The following EFCAB11 variants were observed in gnomAD, a reference collection of about 807,000 sequenced individuals.
EFCAB11 encodes EF-hand calcium-binding domain-containing protein 11.
In EFCAB11, 14 loss-of-function variants were observed where a neutral mutation model predicts 23.0. The observed-to-expected ratio is 0.61, with a 90% confidence interval of 0.40 to 0.95. The LOEUF (loss-of-function observed/expected upper bound fraction) is 0.95, where lower values mean the gene tolerates loss of function less well. EFCAB11 is among the 40% of genes least tolerant of loss of function. The pLI is 0.00. For missense variants in EFCAB11, 198 were observed against 195.8 expected, an observed-to-expected ratio of 1.01 and a Z score of -0.07; for synonymous variants, 65 against 66.6, an observed-to-expected ratio of 0.98 and a Z score of 0.11.
At chr14:89,886,344 C>T (rs558442412) in intron 5 of EFCAB11, among the ~76,000 whole-genome samples, 3 of 151,852 alleles carry the variant, frequency 2.0e-5, no homozygotes, top group Admixed American at 6.6e-5. Flanking sequence ...TGTGAAACCC[C>T]GTCTCTACTA....
intron 5 of EFCAB11, chr14:89,833,072 C>T (rs746898425): frequency 3.3e-5 from 5 of 152,168 alleles, no homozygotes; most frequent in African/African-American, 1.2e-4. Flanking sequence ...AAAGTTCCTA[C>T]TTACGTTGCA....
At chr14:89,945,120 C>A (rs886135524) in intron 3 of EFCAB11, among the ~76,000 whole-genome samples, 4 of 151,646 alleles carry the variant, frequency 2.6e-5, no homozygotes, top group Admixed American at 2.6e-4. Flanking sequence ...TTTCCCCCCC[C>A]ACTCAGTGTG....
chr14:89,892,013 C>T (rs1292458134), intron 5 of EFCAB11: 5 of 1,523,342 alleles, frequency 3.3e-6, no homozygotes, highest in East Asian at 4.9e-5. Context: ...GGGCCACGAG[C>T]GCTTCAGCTG....
chr14:89,932,480 C>G (rs1165942681), intron 4 of EFCAB11, 46 bp downstream of exon 4: 1 of 1,505,328 alleles, frequency 6.6e-7, no homozygotes, highest in East Asian at 2.3e-5. Context: ...TTTGCAATCC[C>G]TTAAAAGTAA....
upstream of EFCAB11, chr14:89,954,760 A>G (rs1014888588): frequency 1.3e-5 from 20 of 1,512,988 alleles, no homozygotes; most frequent in African/African-American, 2.6e-4. Flanking sequence ...CGGCTCAGGA[A>G]GCCGAACTTC....
At chr14:89,950,575 T>G (rs1891133526) in intron 2 of EFCAB11, among the ~76,000 whole-genome samples, 1 of 152,164 alleles carries the variant, frequency 6.6e-6, no homozygotes, top group Admixed American at 6.5e-5. Flanking sequence ...CAAAAAATTA[T>G]GAAGAAAATT....
At chr14:89,869,905 T>C (rs111502356) in intron 5 of EFCAB11, among the ~76,000 whole-genome samples, 4,739 of 152,308 alleles carry the variant, frequency 0.031, 113 homozygotes, top group African/African-American at 0.067. Context: ...TGTTTTGGGC[T>C]AAGCTGTCAG....
chr14:89,939,776 T>A (rs754034456), intron 3 of EFCAB11, among the ~76,000 whole-genome samples: 3 of 152,228 alleles, frequency 2.0e-5, no homozygotes, highest in Non-Finnish European at 4.4e-5. Context: ...TCTTGCTCTA[T>A]CGCCCAGGCT....
At chr14:89,859,988 C>A (rs1887871865) in intron 5 of EFCAB11, among the ~76,000 whole-genome samples, 1 of 152,046 alleles carries the variant, frequency 6.6e-6, no homozygotes, top group South Asian at 2.1e-4. Flanking sequence ...ACAGTCAAGC[C>A]CCAAAGGAGG....
chr14:89,859,315 CTAGAGT>C (rs1887849714), intron 5 of EFCAB11, among the ~76,000 whole-genome samples: 1 of 152,188 alleles, frequency 6.6e-6, no homozygotes, highest in African/African-American at 2.4e-5. Flanking sequence ...TTACTTTTCT[CTAGAGT>C]TAAATTCTCT....
At chr14:89,935,398 T>G (rs1470374325) in intron 3 of EFCAB11, among the ~76,000 whole-genome samples, 3 of 17,388 alleles carry the variant, frequency 1.7e-4, no homozygotes, top group Admixed American at 5.3e-4. Flanking sequence ...TGCATGTGGG[T>G]TTTTTTTTTT....
At chr14:89,872,782 GAC>G (rs141688592) in intron 5 of EFCAB11, among the ~76,000 whole-genome samples, 18 of 149,290 alleles carry the variant, frequency 1.2e-4, no homozygotes, top group East Asian at 2.0e-4. Context: ...AAGAGATTAG[GAC>G]ACACACACAC....
rs551901489 is a variant in EFCAB11 at position 89,916,682 on chromosome 14, C to T, written c.410+14859G>A. ...TGTTCATGTATTCGTCAAATACTCT[C>T]TCCTGCAAACAGAGTTAAATTTTTA... On this transcript the variant is annotated intron_variant, in intron 5 of 5. Coordinates refer to ENST00000316738, the MANE Select transcript of EFCAB11 (RefSeq NM_145231.4). Among the ~76,000 whole-genome samples, 31 of 152,320 alleles carry T rather than the reference C, an allele frequency of 2.0e-4. No individual in the cohort carries two copies. The East Asian group carries it at 5.4e-3, about 27-fold the overall frequency.
intron 5 of EFCAB11, among the ~76,000 whole-genome samples, chr14:89,888,727 A>G (rs139582340): frequency 1.2e-3 from 176 of 152,298 alleles, no homozygotes; most frequent in African/African-American, 4.0e-3. Context: ...TGTGAACCAG[A>G]AAGTGGGCCC....
chr14:89,848,000 ATTG>A (rs1887488164), intron 5 of EFCAB11, among the ~76,000 whole-genome samples: 2 of 152,198 alleles, frequency 1.3e-5, no homozygotes, highest in African/African-American at 2.4e-5. Flanking sequence ...AATATTAGCT[ATTG>A]TTGTTATTAC....
chr14:89,926,426 G>A (rs60345558), intron 5 of EFCAB11, among the ~76,000 whole-genome samples: 28,710 of 152,088 alleles, frequency 0.19, 3,157 homozygotes, highest in South Asian at 0.32. Context: ...CTGAAAGTAG[G>A]TAGGGGAGCT....
intron 5 of EFCAB11, among the ~76,000 whole-genome samples, chr14:89,894,243 C>A (rs1456670691): frequency 6.6e-6 from 1 of 152,106 alleles, no homozygotes; most frequent in East Asian, 1.9e-4. Flanking sequence ...AGCCACCGCA[C>A]CCAGCCTTGA....
intron 5 of EFCAB11, among the ~76,000 whole-genome samples, chr14:89,871,778 C>A (rs183607728): frequency 4.7e-4 from 71 of 152,310 alleles, no homozygotes; most frequent in African/African-American, 1.6e-3. Flanking sequence ...CCTTTTCCCC[C>A]TGACTCCATC....
chr14:89,851,800 C>G (rs2140140076), intron 5 of EFCAB11, among the ~76,000 whole-genome samples: 1 of 152,218 alleles, frequency 6.6e-6, no homozygotes, highest in Admixed American at 6.5e-5. Context: ...AGACGCGGGT[C>G]TAAGGCAAAA....
Sources: gnomAD v4.1 joint callset for allele counts (sites outside exome capture counted in the v4.1 genomes callset) on GRCh38, gnomAD v4.1.1 for gene constraint, MANE v1.5 for transcripts, NCBI Gene and HGNC (gene_info 2026-07-23, HGNC 2026-07-21) for gene names.